Variants in EBF2 observed in about 807,000 individuals in gnomAD.
EBF2 encodes transcription factor COE2.
In EBF2, 21 loss-of-function variants were observed where a neutral mutation model predicts 72.8. The observed-to-expected ratio is 0.29, with a 90% CI of 0.20 to 0.42. EBF2 has a LOEUF of 0.42. EBF2 is among the 10% of genes least tolerant of loss of function. The pLI, the probability that EBF2 is intolerant of heterozygous loss-of-function variation, is 1.00. For missense variants in EBF2, 637 were observed against 731.2 expected (o/e 0.87, Z 1.49); for synonymous variants, 299 against 274.2 (o/e 1.09, Z -0.89).
intron 6 of EBF2, among the ~76,000 whole-genome samples, chr8:25,952,815 A>G (rs956054363): frequency 6.6e-6 from 1 of 152,196 alleles, no homozygotes; most frequent in Non-Finnish European, 1.5e-5. Flanking sequence ...GTACATATCA[A>G]ATAACATAGC....
chr8:25,859,581 G>A lies in EBF2; in HGVS notation c.1343-1077C>T, dbSNP rs189279705. 2.4e-3 allele frequency among the ~76,000 whole-genome samples: 362 copies of A among 152,128 alleles called. 4 individuals carry two copies. The highest frequency in any genetic ancestry group is 8.3e-3 in the African/African-American group (345 of 41,492). ...TCAGAAACATCGTATCATATGTCCT[G>A]GAATAAAACACTTTGGATTACTGTC... is the stretch of plus-strand genomic sequence containing the variant. On this transcript the variant is annotated intron_variant, in intron 13 of 15. Transcript: ENST00000520164.
At chr8:26,042,592 C>A (rs1021486206) in intron 1 of EBF2, among the ~76,000 whole-genome samples, 1 of 152,156 alleles carries the variant, frequency 6.6e-6, no homozygotes, top group South Asian at 2.1e-4. Flanking sequence ...AAGGAGGTGG[C>A]CCGCGTCCTA....
chr8:25,978,271 G>T (rs1804299935), intron 6 of EBF2, among the ~76,000 whole-genome samples: 1 of 114,786 alleles, frequency 8.7e-6, no homozygotes, highest in Non-Finnish European at 1.9e-5. Flanking sequence ...GGGGCCTCGG[G>T]TTGGGGGTAA....
At chr8:25,879,628 G>C (rs1348854140) in intron 10 of EBF2, among the ~76,000 whole-genome samples, 2 of 151,996 alleles carry the variant, frequency 1.3e-5, no homozygotes, top group Non-Finnish European at 2.9e-5. Context: ...CTGACTTCAG[G>C]GACAGCCCAC....
chr8:26,001,697 C>T lies in EBF2; in HGVS notation c.551+31388G>A, dbSNP rs150569313. ...CTGAGTAGCTGGGATTACAGGGACG[C>T]GCCACCATGCCCAGCTAATTTTGGT... On this transcript the variant is annotated intron_variant, in intron 6 of 15. Coordinates refer to ENST00000520164, the MANE Select transcript of EBF2 (RefSeq NM_022659.4). 2.9e-3 allele frequency among the ~76,000 whole-genome samples: 436 copies of T among 152,110 alleles called. 3 individuals carry two copies. Among genetic ancestry groups the T allele is most frequent in the African/African-American group, 9.4e-3 (389 of 41,500 alleles).
intron 14 of EBF2, chr8:25,858,047 G>A (rs758618116): frequency 1.2e-5 from 7 of 591,184 alleles, no homozygotes; most frequent in Non-Finnish European, 1.9e-5. Context: ...TTAATTCCTT[G>A]CTTCCACTTA....
At chr8:25,972,343 G>A (rs1804203589) in intron 6 of EBF2, among the ~76,000 whole-genome samples, 1 of 152,116 alleles carries the variant, frequency 6.6e-6, no homozygotes, top group Non-Finnish European at 1.5e-5. Flanking sequence ...GGGAAGAGCT[G>A]CCTCAGACTT....
chr8:25,858,067 C>A (rs1046748329), intron 14 of EBF2: 2 of 630,924 alleles, frequency 3.2e-6, no homozygotes, highest in African/African-American at 3.6e-5. Flanking sequence ...ACACAGGCCA[C>A]ACATGCTCTT....
intron 6 of EBF2, among the ~76,000 whole-genome samples, chr8:25,997,223 C>T (rs1317811664): frequency 1.3e-5 from 2 of 151,958 alleles, no homozygotes; most frequent in African/African-American, 4.8e-5. Context: ...GTTGGTAAGC[C>T]CCAAAGACAC....
intron 6 of EBF2, among the ~76,000 whole-genome samples, chr8:26,007,867 C>T (rs1017711206): frequency 6.6e-6 from 1 of 151,564 alleles, no homozygotes; most frequent in Non-Finnish European, 1.5e-5. Flanking sequence ...ATAAACTAGC[C>T]TGATATAACT....
chr8:25,964,268 G>A (rs1047934271), intron 6 of EBF2, among the ~76,000 whole-genome samples: 1 of 148,168 alleles, frequency 6.7e-6, no homozygotes, highest in African/African-American at 2.4e-5. Flanking sequence ...CATTCTGTTG[G>A]GATTAGAAAC....
chr8:25,853,409 A>G (rs1221749876), intron 14 of EBF2, among the ~76,000 whole-genome samples: 2 of 152,268 alleles, frequency 1.3e-5, no homozygotes, highest in African/African-American at 4.8e-5. Context: ...AAAAATGACC[A>G]AGAGAGATCC....
chr8:26,043,714 G>C (rs888962766), intron 1 of EBF2, among the ~76,000 whole-genome samples: 2 of 152,208 alleles, frequency 1.3e-5, no homozygotes, highest in African/African-American at 4.8e-5. Flanking sequence ...TCATTTCTCC[G>C]TGTGATGTTG....
At chr8:25,946,563 C>T (rs942202253) in intron 6 of EBF2, among the ~76,000 whole-genome samples, 3 of 152,174 alleles carry the variant, frequency 2.0e-5, no homozygotes, top group Non-Finnish European at 1.5e-5. Context: ...CCTCCTTGCA[C>T]CTTATCTCCA....
intron 6 of EBF2, among the ~76,000 whole-genome samples, chr8:25,982,106 G>A (rs1804371610): frequency 6.6e-6 from 1 of 152,162 alleles, no homozygotes; most frequent in Non-Finnish European, 1.5e-5. Context: ...CCCAATTAGA[G>A]TTTGGATTGG....
At chr8:25,932,890 A>AT (rs978601751) in intron 6 of EBF2, among the ~76,000 whole-genome samples, 8 of 151,980 alleles carry the variant, frequency 5.3e-5, no homozygotes, top group African/African-American at 1.7e-4. Context: ...ACCTGGTAAT[A>AT]TTTTTTTTAA....
intron 6 of EBF2, among the ~76,000 whole-genome samples, chr8:26,008,648 C>T (rs1446639539): frequency 6.6e-6 from 1 of 152,090 alleles, no homozygotes; most frequent in Non-Finnish European, 1.5e-5. Context: ...TTGATTTTTT[C>T]CTTTTGCCTG....
At chr8:25,966,405 T>C (rs1804116133) in intron 6 of EBF2, among the ~76,000 whole-genome samples, 2 of 152,230 alleles carry the variant, frequency 1.3e-5, no homozygotes, top group African/African-American at 4.8e-5. Flanking sequence ...TAGAAGCTCC[T>C]GGGACTCAGA....
intron 6 of EBF2, among the ~76,000 whole-genome samples, chr8:25,980,318 C>T (rs1040059509): frequency 6.6e-6 from 1 of 152,098 alleles, no homozygotes; most frequent in Non-Finnish European, 1.5e-5. Flanking sequence ...GTGTAAGGAG[C>T]TGTTGAGGCT....
Sources: gnomAD v4.1 joint callset for allele counts (sites outside exome capture counted in the v4.1 genomes callset) on GRCh38, gnomAD v4.1.1 for gene constraint, MANE v1.5 for transcripts, NCBI Gene and HGNC (gene_info 2026-07-23, HGNC 2026-07-21) for gene names.